Variants in ABL2 observed in about 807,000 individuals in gnomAD.
The protein encoded by ABL2 is ABL proto-oncogene 2, non-receptor tyrosine kinase.
A neutral mutation model predicts 107.7 loss-of-function variants in ABL2; 49 were observed. That is an observed-to-expected ratio of 0.45 (90% CI 0.36 to 0.58). The LOEUF is 0.58. Ranked by LOEUF, ABL2 falls within the 20% of genes least tolerant of loss-of-function variation. ABL2 has a pLI of 0.00. For synonymous variants in ABL2, 549 were observed against 548.6 expected, an observed-to-expected ratio of 1.00 and a Z score of -0.01; for missense variants, 1,245 against 1,457.0, an observed-to-expected ratio of 0.85 and a Z score of 2.37.
chr1:179,204,649 A>G (rs367603642), intron 1 of ABL2, among the ~76,000 whole-genome samples: 98 of 152,188 alleles, frequency 6.4e-4, no homozygotes, highest in African/African-American at 2.2e-3. Flanking sequence ...CGGGAGGCTG[A>G]GGCATGAGAA....
At chr1:179,128,766 C>T (rs1655990345) in intron 3 of ABL2, among the ~76,000 whole-genome samples, 1 of 152,174 alleles carries the variant, frequency 6.6e-6, no homozygotes, top group Non-Finnish European at 1.5e-5. Context: ...TCACTGTAAC[C>T]TCAACTTCTC....
chr1:179,157,443 G>A (rs1208325475), intron 1 of ABL2, among the ~76,000 whole-genome samples: 1 of 151,718 alleles, frequency 6.6e-6, no homozygotes, highest in Non-Finnish European at 1.5e-5. Flanking sequence ...GTTGCAGTGA[G>A]CCAAGATCAT....
rs28913894 is a variant in ABL2, at chr1:179,107,537, G to A, written c.*181C>T. The A allele has an allele frequency of 0.026, 32,497 of 1,266,512 alleles. 557 individuals carry two copies. Among genetic ancestry groups the A allele is most frequent in the Middle Eastern group, 0.058 (203 of 3,500 alleles). The allele number at this position is 1,266,512 out of a possible 1,614,324, so 78.5% of individuals were successfully genotyped here. The stretch of plus-strand genomic sequence containing the variant: ...CTTAATTTACCTCTCCTATACTTAT[G>A]TGGTTTGCTTCTTATTTTTGAGATG... On this transcript the variant is annotated 3_prime_UTR_variant, in exon 12 of 12. Coordinates refer to ENST00000502732, the MANE Select transcript of ABL2 (RefSeq NM_007314.4).
At position 179,103,935 on chromosome 1, in the gene ABL2, T is replaced by C. The variant is rs1002937381; in HGVS notation, c.*3783A>G. The C allele has an allele frequency of 8.6e-6, 2 of 233,130 alleles. No individual in the cohort carries two copies. Among genetic ancestry groups the C allele is most frequent in the African/African-American group, 4.4e-5 (2 of 45,326 alleles). The allele number at this position is 233,130 out of a possible 1,614,324, so 14.4% of individuals were successfully genotyped here. A position where few individuals can be genotyped will look rare whatever the true frequency, so the allele number is the denominator to read the frequency against. On this transcript the variant is annotated 3_prime_UTR_variant, in exon 12 of 12. Coordinates refer to ENST00000502732, the MANE Select transcript of ABL2 (RefSeq NM_007314.4). ...GGTTGGGGTACTGATAGTTTTCAGA[T>C]AGCACTGGGTGTTTCAAACACCTGG...
chr1:179,102,098 G>A lies in ABL2; in HGVS notation c.*5620C>T, dbSNP rs1313242688. 1.4e-5 allele frequency: 2 copies of A among 140,478 alleles called. No homozygotes were observed. Among genetic ancestry groups the A allele is most frequent in the Middle Eastern group, 3.5e-3 (1 of 286 alleles). 8.7% of individuals were successfully genotyped at this position (140,478 alleles called of 1,614,324 possible). On this transcript the variant is annotated 3_prime_UTR_variant, in exon 12 of 12. Transcript: ENST00000502732. Reference sequence around the variant, plus strand: ...GCGATCTGGGCTCACTGCAAGCTCCGCCTCCTGGGTTCACGCCATTCTCCT... The same window carrying A: ...GCGATCTGGGCTCACTGCAAGCTCCACCTCCTGGGTTCACGCCATTCTCCT...
chr1:179,109,285 T>G lies in ABL2; in HGVS notation c.1982A>C (p.Asn661Thr). Residue 661 changes from asparagine to threonine, a missense_variant, in exon 12 of 12, where the codon AAT becomes ACT. Physicochemically the swap from Asn to Thr is moderately conservative, Grantham distance 65 (BLOSUM62 0). Transcript: ENST00000502732. ...GFFSSFMKKR[N>T]APTPPKRSSS... Reference sequence around the variant, plus strand: ...GCTGCGTTTGGGGGGTGTAGGAGCATTTCTCTTCTTCATGAAGGAGCTGAA... The same window carrying G: ...GCTGCGTTTGGGGGGTGTAGGAGCAGTTCTCTTCTTCATGAAGGAGCTGAA... 1 of 1,614,026 alleles carries G rather than the reference T, an allele frequency of 6.2e-7. No individual in the cohort carries two copies. Among genetic ancestry groups the G allele is most frequent in the Non-Finnish European group, 8.5e-7 (1 of 1,180,002 alleles).
intron 4 of ABL2, among the ~76,000 whole-genome samples, chr1:179,123,461 C>T (rs564851911): frequency 1.6e-4 from 24 of 152,038 alleles, no homozygotes; most frequent in South Asian, 1.2e-3. Flanking sequence ...GCTGAGATCA[C>T]GCCACTGCAT....
At chr1:179,194,508 G>T (rs1314154772) in intron 1 of ABL2, among the ~76,000 whole-genome samples, 1 of 152,092 alleles carries the variant, frequency 6.6e-6, no homozygotes, top group East Asian at 1.9e-4. Context: ...ATGGAATAAG[G>T]ATTTCTAAAA....
intron 1 of ABL2, among the ~76,000 whole-genome samples, chr1:179,209,176 T>C (rs909195279): frequency 3.4e-4 from 51 of 152,218 alleles, no homozygotes; most frequent in African/African-American, 1.2e-3. Context: ...TCTTCTTCTC[T>C]GAAGTAGGTT....
At position 179,229,170 on chromosome 1, in the gene ABL2, G is replaced by GCCCCCCCCCCCCCCCCCCCC; in HGVS notation, c.157+70_157+71insGGGGGGGGGGGGGGGGGGGG. The GCCCCCCCCCCCCCCCCCCCC allele has an allele frequency of 1.5e-5, 4 of 266,256 alleles. 1 individual carries two copies. Among genetic ancestry groups the GCCCCCCCCCCCCCCCCCCCC allele is most frequent in the East Asian group, 9.4e-5 (1 of 10,680 alleles). The allele number at this position is 266,256 out of a possible 1,614,324, so 16.5% of individuals were successfully genotyped here. A position where few individuals can be genotyped will look rare whatever the true frequency, so the allele number is the denominator to read the frequency against. ...CTCCGACCCCTCGGGCAGCCCGTCC[G>GCCCCCCCCCCCCCCCCCCCC]CCACCCACCCCGCCCCGACCCCACC... On this transcript the variant is annotated intron_variant, in intron 1 of 11. Coordinates refer to ENST00000502732, the MANE Select transcript of ABL2 (RefSeq NM_007314.4).
intron 1 of ABL2, among the ~76,000 whole-genome samples, chr1:179,210,627 C>T (rs909540551): frequency 2.1e-4 from 31 of 150,790 alleles, no homozygotes; most frequent in African/African-American, 4.9e-4. Context: ...CCGAGGTGGG[C>T]GCATCACGAG....
rs563415004 is a variant in ABL2 at position 179,188,332 on chromosome 1, A to G, written c.157+40909T>C. 3.3e-5 allele frequency among the ~76,000 whole-genome samples: 5 copies of G among 152,300 alleles called. No individual in the cohort carries two copies. The East Asian group carries it at 7.7e-4, about 24-fold the overall frequency. On this transcript the variant is annotated intron_variant, in intron 1 of 11. Coordinates refer to ENST00000502732, the MANE Select transcript of ABL2 (RefSeq NM_007314.4). ...CAAGCTAGGTAGATCACCTAAGGGC[A>G]GGAGTTGGAGATGAGCCTGGCCAAT... is the stretch of plus-strand genomic sequence containing the variant.
intron 1 of ABL2, 33 bp downstream of exon 1, chr1:179,229,208 C>CCCCCCCCCCCCCCCAAA: frequency 2.7e-6 from 4 of 1,488,054 alleles, no homozygotes; most frequent in Non-Finnish European, 2.7e-6. Flanking sequence ...CGGCCTCCCC[C>CCCCCCCCCCCCCCCAAA]ACGCTCTCAT....
chr1:179,141,578 G>A (rs963971902), intron 1 of ABL2, among the ~76,000 whole-genome samples: 4 of 152,116 alleles, frequency 2.6e-5, no homozygotes, highest in Non-Finnish European at 5.9e-5. Flanking sequence ...AATTTTTGAG[G>A]CCAAAGTACT....
chr1:179,120,156 G>T (rs1655048808), intron 6 of ABL2, 34 bp downstream of exon 6: 4 of 1,424,026 alleles, frequency 2.8e-6, no homozygotes, highest in Non-Finnish European at 3.9e-6. Flanking sequence ...AAGCATTTTT[G>T]GAGGAAATCT....
At chr1:179,203,809 C>G (rs1225520272) in intron 1 of ABL2, among the ~76,000 whole-genome samples, 1 of 152,088 alleles carries the variant, frequency 6.6e-6, no homozygotes, top group Non-Finnish European at 1.5e-5. Context: ...GGCAGCATAG[C>G]CTGGTGGTTA....
chr1:179,175,170 C>A (rs1659974974), intron 1 of ABL2, among the ~76,000 whole-genome samples: 1 of 152,034 alleles, frequency 6.6e-6, no homozygotes, highest in Admixed American at 6.6e-5. Flanking sequence ...AGGCATGAGC[C>A]ACTATGCCCA....
At chr1:179,159,035 A>G (rs1205481997) in intron 1 of ABL2, among the ~76,000 whole-genome samples, 1 of 152,222 alleles carries the variant, frequency 6.6e-6, no homozygotes. Context: ...TCAGCAGTAG[A>G]GCATGGTGGT....
intron 1 of ABL2, among the ~76,000 whole-genome samples, chr1:179,138,910 G>A (rs911848858): frequency 6.6e-6 from 1 of 152,228 alleles, no homozygotes; most frequent in African/African-American, 2.4e-5. Flanking sequence ...GGTGGGCGTG[G>A]GCTTGGCGGG....
Sources: gnomAD v4.1 joint callset for allele counts (sites outside exome capture counted in the v4.1 genomes callset) on GRCh38, gnomAD v4.1.1 for gene constraint, MANE v1.5 for transcripts, NCBI Gene and HGNC (gene_info 2026-07-23, HGNC 2026-07-21) for gene names.